Variants in CFAP299 observed in about 807,000 individuals in gnomAD.
CFAP299 encodes the protein cilia- and flagella-associated protein 299.
A neutral mutation model predicts 27.0 loss-of-function variants in CFAP299; 21 were observed. That is an observed-to-expected ratio of 0.78 (90% CI 0.55 to 1.12). CFAP299 has a LOEUF of 1.12. Among genes scored for constraint, CFAP299 ranks in the 50% most tolerant of loss-of-function variants. The probability of loss-of-function intolerance (pLI) is 0.00; values close to 1 mark genes in which losing one functional copy is unlikely to be tolerated. For missense variants in CFAP299, 310 were observed against 276.6 expected (o/e 1.12, Z -0.86); for synonymous variants, 104 against 98.1 (o/e 1.06, Z -0.36).
At chr4:80,453,140 A>G (rs771731270) in intron 2 of CFAP299, among the ~76,000 whole-genome samples, 26 of 152,044 alleles carry the variant, frequency 1.7e-4, no homozygotes, top group Non-Finnish European at 3.5e-4. Flanking sequence ...CATAATGTGC[A>G]CTCTCCTATT....
At chr4:80,932,582 T>A (rs2110219858) in intron 4 of CFAP299, among the ~76,000 whole-genome samples, 1 of 152,288 alleles carries the variant, frequency 6.6e-6, no homozygotes, top group East Asian at 1.9e-4. Context: ...ATAAATGCAA[T>A]TCCACGTAAT....
intron 2 of CFAP299, among the ~76,000 whole-genome samples, chr4:80,444,030 G>C (rs928576950): frequency 9.9e-5 from 15 of 152,054 alleles, no homozygotes; most frequent in Non-Finnish European, 2.2e-4. Flanking sequence ...AAACAAGAGA[G>C]GACACAAAGA....
chr4:80,612,619 T>C (rs964503551), intron 3 of CFAP299, among the ~76,000 whole-genome samples: 7 of 152,112 alleles, frequency 4.6e-5, no homozygotes, highest in Non-Finnish European at 8.8e-5. Context: ...CCCTATTTGT[T>C]TACCCAAACT....
At chr4:80,737,257 T>C (rs909916222) in intron 3 of CFAP299, among the ~76,000 whole-genome samples, 1 of 151,774 alleles carries the variant, frequency 6.6e-6, no homozygotes, top group Admixed American at 6.6e-5. Flanking sequence ...GTCACATGTA[T>C]ACATATGTAA....
intron 3 of CFAP299, among the ~76,000 whole-genome samples, chr4:80,690,103 A>C (rs1321066208): frequency 6.7e-6 from 1 of 149,278 alleles, no homozygotes; most frequent in Non-Finnish European, 1.5e-5. Flanking sequence ...GGGAGACTTT[A>C]ACACCCCACT....
chr4:80,934,678 G>A lies in CFAP299; in HGVS notation c.477-10132G>A, dbSNP rs1469655107. ...TTCTTCTGGTTTATCCAATTTGTTG[G>A]TAAGTGTTCATAATAGTGTTTTAAG... On this transcript the variant is annotated intron_variant, in intron 4 of 5. Transcript: ENST00000358105. Among the ~76,000 whole-genome samples the A allele has an allele frequency of 2.0e-5, 3 of 151,934 alleles. No homozygotes were observed. The South Asian group carries it at 6.2e-4, about 32-fold the overall frequency.
chr4:80,782,639 T>C lies in CFAP299; in HGVS notation c.334-87354T>C, dbSNP rs1466343206. 1.8e-5 allele frequency among the ~76,000 whole-genome samples: 2 copies of C among 110,886 alleles called. 1 individual carries two copies. Among genetic ancestry groups the C allele is most frequent in the Non-Finnish European group, 3.9e-5 (2 of 51,246 alleles). 72.7% of individuals were successfully genotyped at this position (110,886 alleles called of 152,430 possible). A position where few individuals can be genotyped will look rare whatever the true frequency, so the allele number is the denominator to read the frequency against. On this transcript the variant is annotated intron_variant, in intron 3 of 5. Transcript: ENST00000358105. ...ATATATAATATATTCATATATAATA[T>C]ACATATATGAATATATAATATATTC...
intron 3 of CFAP299, among the ~76,000 whole-genome samples, chr4:80,612,181 AG>A (rs1738018320): frequency 2.0e-5 from 3 of 152,056 alleles, no homozygotes; most frequent in Admixed American, 2.0e-4. Context: ...CAGAACACAA[AG>A]GAAGTATATA....
intron 3 of CFAP299, among the ~76,000 whole-genome samples, chr4:80,793,846 T>C (rs1199704364): frequency 1.3e-5 from 2 of 152,174 alleles, no homozygotes; most frequent in Non-Finnish European, 2.9e-5. Flanking sequence ...CAACTGGTCA[T>C]GTGGTTGTAG....
chr4:80,809,648 C>G (rs1193693851), intron 3 of CFAP299, among the ~76,000 whole-genome samples: 2 of 152,100 alleles, frequency 1.3e-5, no homozygotes, highest in African/African-American at 4.8e-5. Flanking sequence ...ATTCTGAACA[C>G]TAGTCATTGG....
At chr4:80,651,704 TTGTGTGTGTGTGTGTGTG>T (rs34460418) in intron 3 of CFAP299, among the ~76,000 whole-genome samples, 102 of 139,650 alleles carry the variant, frequency 7.3e-4, no homozygotes, top group African/African-American at 2.6e-3. Context: ...AGGTATGCAC[TTGTGTGTGTGTGTGTGTG>T]TGTGTGTGTG....
intron 2 of CFAP299, among the ~76,000 whole-genome samples, chr4:80,571,653 C>T (rs757807115): frequency 6.6e-6 from 1 of 151,926 alleles, no homozygotes; most frequent in Non-Finnish European, 1.5e-5. Flanking sequence ...TATTTGGAGA[C>T]TGAGGCTTTG....
chr4:80,867,101 TC>T (rs1183312781), intron 3 of CFAP299, among the ~76,000 whole-genome samples: 3 of 152,200 alleles, frequency 2.0e-5, no homozygotes, highest in Non-Finnish European at 4.4e-5. Flanking sequence ...TATATGTTCT[TC>T]TAGTTCTATC....
intron 1 of CFAP299, among the ~76,000 whole-genome samples, chr4:80,359,460 G>T (rs1723437090): frequency 6.6e-6 from 1 of 152,058 alleles, no homozygotes; most frequent in African/African-American, 2.4e-5. Context: ...ACACCAATGA[G>T]TCCATAGATT....
Position 80,693,189 on chromosome 4 carries a change from A to G in CFAP299, c.333+110006A>G, listed in dbSNP as rs564615172. On this transcript the variant is annotated intron_variant, in intron 3 of 5. Transcript: ENST00000358105. ...AAATACCATTTGACCCAGCCATCCC[A>G]TTACTGGGTATATACCCAAAGGACT... is the stretch of plus-strand genomic sequence containing the variant. Among the ~76,000 whole-genome samples the G allele has an allele frequency of 4.1e-3, 626 of 152,298 alleles. 3 individuals carry two copies. Among genetic ancestry groups the G allele is most frequent in the Non-Finnish European group, 6.9e-3 (468 of 68,026 alleles).
chr4:80,505,650 T>C (rs1331131370), intron 2 of CFAP299, among the ~76,000 whole-genome samples: 1 of 152,180 alleles, frequency 6.6e-6, no homozygotes, highest in Non-Finnish European at 1.5e-5. Context: ...TGTATAGTTG[T>C]ATGTGTGAAC....
chr4:80,679,855 T>C (rs1719725364), intron 3 of CFAP299, among the ~76,000 whole-genome samples: 2 of 151,950 alleles, frequency 1.3e-5, no homozygotes, highest in African/African-American at 4.8e-5. Context: ...CATTGTCAGA[T>C]ACGTGGTTTG....
At chr4:80,345,711 T>C (rs1280107960) in intron 1 of CFAP299, among the ~76,000 whole-genome samples, 2 of 152,208 alleles carry the variant, frequency 1.3e-5, no homozygotes, top group Admixed American at 1.3e-4. Context: ...TCTTTGCTTT[T>C]GTGAATAGCG....
intron 4 of CFAP299, among the ~76,000 whole-genome samples, chr4:80,932,342 A>G (rs1034537991): frequency 3.3e-5 from 5 of 152,164 alleles, no homozygotes; most frequent in African/African-American, 1.2e-4. Flanking sequence ...TTAGAGATAC[A>G]ATATATAGTC....
Sources: allele counts gnomAD v4.1 joint callset (sites outside exome capture counted in the v4.1 genomes callset), GRCh38; gene constraint gnomAD v4.1.1; transcripts MANE v1.5; gene names NCBI Gene and HGNC (gene_info 2026-07-23, HGNC 2026-07-21).